The following RIC1 variants were observed in gnomAD, a reference collection of about 807,000 sequenced individuals.
RIC1 encodes the protein RIC1 partner of RAB6A GEF complex.
Under a neutral mutation model 169.0 loss-of-function variants are expected in RIC1, and 88 were observed. The ratio of observed to expected loss-of-function variants is 0.52; its 90% CI spans 0.44 to 0.62. The LOEUF (loss-of-function observed/expected upper bound fraction) is 0.62, where lower values mean the gene tolerates loss of function less well. RIC1 is among the 20% of genes least tolerant of loss of function. The probability of loss-of-function intolerance (pLI) is 0.00; values close to 1 mark genes in which losing one functional copy is unlikely to be tolerated. For missense variants in RIC1, 1,877 were observed against 1,725.5 expected (o/e 1.09, Z -1.56); for synonymous variants, 790 against 601.5 (o/e 1.31, Z -4.59).
intron 12 of RIC1, among the ~76,000 whole-genome samples, chr9:5,749,212 T>G (rs2131013423): frequency 6.6e-6 from 1 of 152,348 alleles, no homozygotes; most frequent in East Asian, 1.9e-4. Flanking sequence ...ACCGAGGTAC[T>G]GAGCATTAAA....
intron 4 of RIC1, among the ~76,000 whole-genome samples, chr9:5,718,420 G>C (rs568924472): frequency 2.0e-5 from 3 of 152,240 alleles, no homozygotes; most frequent in African/African-American, 7.2e-5. Flanking sequence ...ACAGTGAAGA[G>C]GGAAGGGGTC....
At chr9:5,744,796 G>T (rs1026176881) in intron 10 of RIC1, among the ~76,000 whole-genome samples, 2 of 152,036 alleles carry the variant, frequency 1.3e-5, no homozygotes, top group Non-Finnish European at 2.9e-5. Context: ...ATTTTCAAGA[G>T]TTTCTGTAGA....
rs35477806 is a variant in RIC1, at chr9:5,718,139, CAAAAAAAAAAA to C, written c.441-2026_441-2016del. 8.5e-4 allele frequency among the ~76,000 whole-genome samples: 24 copies of C among 28,092 alleles called. No homozygotes were observed. In the South Asian group the frequency reaches 0.014, roughly 16 times the overall value. 18.4% of individuals were successfully genotyped at this position (28,092 alleles called of 152,430 possible). ...TGGGCAACAGAGCAAGACTCCGTCTCAAAAAAAAAAAAAAAAAAAAAAAAAAAGTTCAGTTC... is the reference window on the plus strand; with the variant it reads ...TGGGCAACAGAGCAAGACTCCGTCTCAAAAAAAAAAAAAAAAGTTCAGTTC... On this transcript the variant is annotated intron_variant, in intron 4 of 25. Transcript: ENST00000414202.
intron 2 of RIC1, among the ~76,000 whole-genome samples, chr9:5,670,734 G>A (rs1023699329): frequency 6.6e-6 from 1 of 152,160 alleles, no homozygotes; most frequent in African/African-American, 2.4e-5. Flanking sequence ...TCAAGACAGA[G>A]GAATTGCAAT....
intron 2 of RIC1, among the ~76,000 whole-genome samples, chr9:5,681,638 T>G (rs1418605261): frequency 6.6e-6 from 1 of 152,142 alleles, no homozygotes; most frequent in Non-Finnish European, 1.5e-5. Context: ...GGGTGGAGAG[T>G]TCTGTAGATG....
chr9:5,757,373 T>C lies in RIC1; in HGVS notation c.1914T>C (p.Pro638=). ...LQEVSMSRYI[P]HPFLVVSVTL... is the part of the protein sequence containing the mutation. ...AGGTTTCCATGTCACGCTACATTCC[T>C]CACCCTTTCCTGGTGGTATCTGTCA... Residue 638 remains proline (P), a synonymous_variant, in exon 17 of 26, where the codon CCT becomes CCC. Transcript: ENST00000414202. 6.2e-7 allele frequency: 1 copy of C among 1,614,096 alleles called. No homozygotes were observed. Among genetic ancestry groups the C allele is most frequent in the Non-Finnish European group, 8.5e-7 (1 of 1,179,938 alleles).
In RIC1 at chr9:5,713,919, C is replaced by T. The variant is rs1485337663; in HGVS notation, c.356C>T (p.Thr119Ile). ...YPKGSPQMKG[T>I]PHFKEEQCAP... is the part of the protein sequence containing the mutation. ...AGAGGAAGTCCACAAATGAAGGGGA[C>T]ACCCCATTTTAAGGAAGAACAGTGT... Residue 119 changes from threonine to isoleucine, a missense_variant, in exon 4 of 26, where the codon ACA (threonine) becomes ATA (isoleucine). Physicochemically the swap from Thr to Ile is moderately conservative, Grantham distance 89 (BLOSUM62 -1). Transcript: ENST00000414202. The T allele has an allele frequency of 1.2e-6, 2 of 1,612,850 alleles. No homozygotes were observed. The highest frequency in any genetic ancestry group is 1.7e-6 in the Non-Finnish European group (2 of 1,179,122).
chr9:5,650,843 C>G (rs931039087), intron 1 of RIC1, among the ~76,000 whole-genome samples: 11 of 152,114 alleles, frequency 7.2e-5, no homozygotes, highest in African/African-American at 2.7e-4. Context: ...GCTTTAATAC[C>G]AGGGACTCTG....
intron 8 of RIC1, 135 bp from the exon 9 acceptor site, chr9:5,742,734 G>A: frequency 2.6e-6 from 2 of 770,828 alleles, no homozygotes; most frequent in Non-Finnish European, 4.0e-6. Context: ...AAATGACCAG[G>A]ATTTATTTTT....
At position 5,774,236 on chromosome 9, in the gene RIC1, C is replaced by G; in HGVS notation, c.4262C>G (p.Ser1421Cys). The change falls in exon 26 of 26, where the codon TCT (serine) becomes TGT (cysteine). Residue 1421 changes from serine (S) to cysteine (C), a missense_variant. Physicochemically the swap from Ser to Cys is moderately radical, Grantham distance 112. This residue lies in a region of RIC1 where 681 missense variants were observed against 582.0 expected (regional missense o/e 1.17). Transcript: ENST00000414202. ...TTTCAGGATGGGACTTACGACTGTT[C>G]TGTGTCCTAACAGTGAGGTTCCATC... ...EPFQDGTYDC[S>C]VS 3 of 1,607,110 alleles carry G rather than the reference C, an allele frequency of 1.9e-6. No homozygotes were observed. The highest frequency in any genetic ancestry group is 1.3e-5 in the African/African-American group (1 of 74,954).
intron 3 of RIC1, among the ~76,000 whole-genome samples, chr9:5,703,922 G>T (rs1419990155): frequency 3.9e-5 from 6 of 152,136 alleles, no homozygotes; most frequent in African/African-American, 9.7e-5. Flanking sequence ...AAGTAGAATT[G>T]CTAGGTTACA....
intron 6 of RIC1, among the ~76,000 whole-genome samples, chr9:5,721,988 A>G (rs1823621817): frequency 6.6e-6 from 1 of 151,108 alleles, no homozygotes; most frequent in South Asian, 2.1e-4. Context: ...TCTCGGGTTC[A>G]AGCGATTCTC....
chr9:5,645,502 C>A (rs563158618), intron 1 of RIC1, among the ~76,000 whole-genome samples: 1 of 152,172 alleles, frequency 6.6e-6, no homozygotes, highest in Non-Finnish European at 1.5e-5. Flanking sequence ...CCAGAACTTT[C>A]ATTTTCATTT....
chr9:5,765,185 A>G, intron 19 of RIC1: 1 of 452,086 alleles, frequency 2.2e-6, no homozygotes, highest in Non-Finnish European at 3.9e-6. Flanking sequence ...CTTAAAGTAT[A>G]TGTATGCTAT....
rs562274607 is a variant in RIC1 at position 5,725,992 on chromosome 9, A to T, written c.720+5242A>T. Among the ~76,000 whole-genome samples, 3 of 152,292 alleles carry T rather than the reference A, an allele frequency of 2.0e-5. No individual in the cohort carries two copies. The South Asian group carries it at 6.2e-4, about 32-fold the overall frequency. ...TTCCAACTATGTGGTCAATTTTGGA[A>T]TAAGTGTGATGTGGTGCTGAGAAGA... On this transcript the variant is annotated intron_variant, in intron 6 of 25. Transcript: ENST00000414202.
chr9:5,762,940 T>C (rs1475184242), intron 18 of RIC1, among the ~76,000 whole-genome samples, 200 bp from the exon 19 acceptor site: 1 of 152,162 alleles, frequency 6.6e-6, no homozygotes, highest in African/African-American at 2.4e-5. Flanking sequence ...GTTCATGGGG[T>C]GTTTTGTTTT....
At chr9:5,635,762 G>C (rs60589442) in intron 1 of RIC1, among the ~76,000 whole-genome samples, 2 of 152,258 alleles carry the variant, frequency 1.3e-5, no homozygotes, top group South Asian at 2.1e-4. Flanking sequence ...GTTCTCACGA[G>C]ATCTGATGGT....
Position 5,772,586 on chromosome 9 carries a change from A to G in RIC1, c.3639A>G (p.Ser1213=), listed in dbSNP as rs1242791584. 1 of 1,611,756 alleles carries G rather than the reference A, an allele frequency of 6.2e-7. No individual in the cohort carries two copies. The highest frequency in any genetic ancestry group is 1.7e-5 in the Admixed American group (1 of 59,326). The part of the protein sequence containing the change: ...SNKGDECSIG[S]ATDLTESSSM... ...CAGGTGATGAATGCAGTATTGGTTC[A>G]GCCACAGACTTGACTGAAAGTAGCT... is the stretch of plus-strand genomic sequence containing the variant. The change falls in exon 24 of 26, where the codon TCA becomes TCG. Residue 1213 remains serine, a synonymous_variant. Coordinates refer to ENST00000414202, the MANE Select transcript of RIC1 (RefSeq NM_020829.4).
chr9:5,728,514 C>T (rs944645558), intron 6 of RIC1, among the ~76,000 whole-genome samples: 1 of 152,190 alleles, frequency 6.6e-6, no homozygotes, highest in African/African-American at 2.4e-5. Flanking sequence ...GCCCTGTCCT[C>T]CTTGGGCTCA....
Sources: allele counts gnomAD v4.1 joint callset (sites outside exome capture counted in the v4.1 genomes callset), GRCh38; gene constraint gnomAD v4.1.1; regional missense constraint gnomAD v4.1.1; transcripts MANE v1.5; gene names NCBI Gene and HGNC (gene_info 2026-07-23, HGNC 2026-07-21).